Variants in ARID4B observed in about 807,000 individuals in gnomAD.
ARID4B encodes AT-rich interaction domain 4B.
A neutral mutation model predicts 147.5 loss-of-function variants in ARID4B; 26 were observed. The ratio of observed to expected loss-of-function variants is 0.18; its 90% CI spans 0.13 to 0.24. The LOEUF is 0.24. ARID4B is among the 10% of genes least tolerant of loss of function. The pLI, the probability that ARID4B is intolerant of heterozygous loss-of-function variation, is 1.00. For synonymous variants in ARID4B, 512 were observed against 507.9 expected, an observed-to-expected ratio of 1.01 and a Z score of -0.11; for missense variants, 1,179 against 1,511.5, an observed-to-expected ratio of 0.78 and a Z score of 3.65.
At chr1:235,186,155 GAC>G (rs1553283198) in intron 19 of ARID4B, among the ~76,000 whole-genome samples, 2 of 152,034 alleles carry the variant, frequency 1.3e-5, no homozygotes, top group Non-Finnish European at 2.9e-5. Context: ...CTTTAGTAGA[GAC>G]AGGGTTTCAC....
chr1:235,205,863 T>G (rs760649874), intron 17 of ARID4B, among the ~76,000 whole-genome samples: 1 of 152,004 alleles, frequency 6.6e-6, no homozygotes, highest in African/African-American at 2.4e-5. Flanking sequence ...GAATAACAAG[T>G]GTTGACAAGG....
intron 17 of ARID4B, among the ~76,000 whole-genome samples, chr1:235,202,931 C>G (rs1015579304): frequency 1.3e-4 from 20 of 152,290 alleles, no homozygotes; most frequent in African/African-American, 4.6e-4. Context: ...TCTAAGGTAT[C>G]TATTATGTAA....
chr1:235,174,362 T>C (rs1377529998), intron 22 of ARID4B, among the ~76,000 whole-genome samples: 1 of 152,134 alleles, frequency 6.6e-6, no homozygotes, highest in African/African-American at 2.4e-5. Flanking sequence ...CTAGTCAGTG[T>C]TGGCATTTGC....
intron 2 of ARID4B, among the ~76,000 whole-genome samples, chr1:235,290,129 A>G (rs962153540): frequency 6.6e-6 from 1 of 152,154 alleles, no homozygotes; most frequent in Non-Finnish European, 1.5e-5. Context: ...AAGTTATGGG[A>G]AAATGTTAGC....
Position 235,257,470 on chromosome 1 carries a change from ATTTT to A in ARID4B, c.118-249_118-246del, listed in dbSNP as rs759583270. On this transcript the variant is annotated intron_variant, in intron 3 of 23. Transcript: ENST00000264183. Reference sequence around the variant, plus strand: ...TAAATTACTAGATGTTCCACATGTCATTTTTTTTTTTTTTAACTTTTTTCTTTTT... The same window carrying A: ...TAAATTACTAGATGTTCCACATGTCATTTTTTTTTTAACTTTTTTCTTTTT... Among the ~76,000 whole-genome samples, 18 of 144,556 alleles carry A rather than the reference ATTTT, an allele frequency of 1.2e-4. No individual in the cohort carries two copies. In the Admixed American group the frequency reaches 1.3e-3, roughly 10 times the overall value. The allele number at this position is 144,556 out of a possible 152,430, so 94.8% of individuals were successfully genotyped here. A position where few individuals can be genotyped will look rare whatever the true frequency, so the allele number is the denominator to read the frequency against.
chr1:235,286,126 C>T (rs866633614), intron 2 of ARID4B, among the ~76,000 whole-genome samples: 1 of 152,108 alleles, frequency 6.6e-6, no homozygotes, highest in Admixed American at 6.5e-5. Context: ...CCTTGACTTC[C>T]TGGGCTCAAG....
At chr1:235,198,152 A>C (rs1272694996) in intron 17 of ARID4B, among the ~76,000 whole-genome samples, 1 of 152,216 alleles carries the variant, frequency 6.6e-6, no homozygotes, top group Non-Finnish European at 1.5e-5. Context: ...GCTGCACATA[A>C]CATTAATGTG....
At chr1:235,245,492 T>A (rs1558241654) in intron 7 of ARID4B, among the ~76,000 whole-genome samples, 1 of 152,128 alleles carries the variant, frequency 6.6e-6, no homozygotes. Context: ...GATGCAATCT[T>A]CTAAAAATTA....
At chr1:235,260,618 T>G in intron 3 of ARID4B, 24 bp downstream of exon 3, 1 of 1,507,880 alleles carries the variant, frequency 6.6e-7, no homozygotes, top group Non-Finnish European at 9.0e-7. Flanking sequence ...AACATACAAT[T>G]TATGAAATCT....
At chr1:235,233,130 C>T (rs1383818635) in intron 9 of ARID4B, among the ~76,000 whole-genome samples, 2 of 152,158 alleles carry the variant, frequency 1.3e-5, no homozygotes, top group Non-Finnish European at 2.9e-5. Flanking sequence ...AGCCACCGCG[C>T]CCAGCCTACA....
At chr1:235,170,963 C>T (rs1377905594) in intron 23 of ARID4B, among the ~76,000 whole-genome samples, 4 of 147,720 alleles carry the variant, frequency 2.7e-5, no homozygotes, top group Non-Finnish European at 3.0e-5. Context: ...AAGCATAGTT[C>T]AGTGTCTGAC....
At chr1:235,306,523 T>C (rs1303811897) in intron 2 of ARID4B, among the ~76,000 whole-genome samples, 9 of 151,634 alleles carry the variant, frequency 5.9e-5, no homozygotes, top group Non-Finnish European at 1.0e-4. Flanking sequence ...AAAATTGGAC[T>C]GTGCTAATTA....
chr1:235,223,131 T>A, intron 13 of ARID4B, 35 bp downstream of exon 13: 1 of 1,374,426 alleles, frequency 7.3e-7, no homozygotes, highest in Non-Finnish European at 1.0e-6. Flanking sequence ...ACATGTTACA[T>A]GAAAAAGATG....
chr1:235,266,295 T>C (rs547920129), intron 2 of ARID4B, among the ~76,000 whole-genome samples: 1 of 152,262 alleles, frequency 6.6e-6, no homozygotes, highest in African/African-American at 2.4e-5. Context: ...CCAACCCTGA[T>C]AAATATGCAT....
At chr1:235,298,591 A>G (rs1345415923) in intron 2 of ARID4B, among the ~76,000 whole-genome samples, 7 of 149,312 alleles carry the variant, frequency 4.7e-5, no homozygotes, top group African/African-American at 1.5e-4. Context: ...AATATAATGT[A>G]TATTTATATA....
At chr1:235,312,815 T>G (rs1185457439) in intron 2 of ARID4B, among the ~76,000 whole-genome samples, 1 of 151,824 alleles carries the variant, frequency 6.6e-6, no homozygotes, top group African/African-American at 2.4e-5. Flanking sequence ...TCTACTAAAA[T>G]ACAAAAAATT....
At chr1:235,219,528 C>T (rs913710248) in intron 16 of ARID4B, among the ~76,000 whole-genome samples, 1 of 152,046 alleles carries the variant, frequency 6.6e-6, no homozygotes, top group Non-Finnish European at 1.5e-5. Flanking sequence ...TTCAGCAGAC[C>T]TAAAAAGTAC....
At chr1:235,224,646 A>G (rs1174397258) in intron 12 of ARID4B, 57 bp downstream of exon 12, 1 of 1,176,694 alleles carries the variant, frequency 8.5e-7, no homozygotes, top group Non-Finnish European at 1.2e-6. Flanking sequence ...CTTATTTTTA[A>G]GATACTAATT....
At chr1:235,314,132 C>G (rs552313776) in intron 2 of ARID4B, among the ~76,000 whole-genome samples, 1 of 152,066 alleles carries the variant, frequency 6.6e-6, no homozygotes, top group Non-Finnish European at 1.5e-5. Context: ...GATGAGGACA[C>G]CAGTCTTCTT....
Sources: allele counts gnomAD v4.1 joint callset (sites outside exome capture counted in the v4.1 genomes callset), GRCh38; gene constraint gnomAD v4.1.1; transcripts MANE v1.5; gene names NCBI Gene and HGNC (gene_info 2026-07-23, HGNC 2026-07-21).